Variants in DYNAP observed in about 807,000 individuals in gnomAD.
DYNAP encodes the protein dynactin associated protein.
A neutral mutation model predicts 8.5 loss-of-function variants in DYNAP; 7 were observed. The ratio of observed to expected loss-of-function variants is 0.82; its 90% CI spans 0.47 to 1.54. The LOEUF (loss-of-function observed/expected upper bound fraction) is 1.54. Among genes scored for constraint, DYNAP ranks in the 40% most tolerant of loss-of-function variants. The pLI is 0.01. For synonymous variants in DYNAP, 77 were observed against 77.9 expected, an observed-to-expected ratio of 0.99 and a Z score of 0.06; for missense variants, 256 against 224.3, an observed-to-expected ratio of 1.14 and a Z score of -0.90.
At chr18:54,575,700 A>G in the DYNAP span, among the ~76,000 whole-genome samples, 1 of 152,094 alleles carries the variant, frequency 6.6e-6, no homozygotes, top group East Asian at 1.9e-4. Context: ...CAGACTTCCA[A>G]AGCACTGGGA....
chr18:54,580,442 AC>A, the DYNAP span, among the ~76,000 whole-genome samples: 1 of 152,186 alleles, frequency 6.6e-6, no homozygotes, highest in East Asian at 1.9e-4. Context: ...TACCACTTCA[AC>A]TGAGCCTTCA....
Position 54,597,920 on chromosome 18 carries a change from G to A in DYNAP, c.330G>A (p.Val110=). 5 of 1,613,524 alleles carry A rather than the reference G, an allele frequency of 3.1e-6. No individual in the cohort carries two copies. The highest frequency in any genetic ancestry group is 2.2e-5 in the South Asian group (2 of 91,046). The change falls in exon 3 of 3, where the codon GTG becomes GTA. Residue 110 remains valine (V), a synonymous_variant. Coordinates refer to ENST00000648945, the MANE Select transcript of DYNAP (RefSeq NM_173629.3). ...TAIGVLIICL[V]NNKGSANSSI... is the part of the protein sequence containing the mutation. Reference sequence around the variant, plus strand: ...TTGGAGTACTTATAATATGCTTGGTGAATAACAAAGGATCGGCCAATTCCT... The same window carrying A: ...TTGGAGTACTTATAATATGCTTGGTAAATAACAAAGGATCGGCCAATTCCT...
At chr18:54,587,408 CA>C (rs1361115306), upstream of DYNAP, among the ~76,000 whole-genome samples, 1 of 152,130 alleles carries the variant, frequency 6.6e-6, no homozygotes, top group African/African-American at 2.4e-5. Flanking sequence ...AAAGTTTCTA[CA>C]AACCCATCAT....
the DYNAP span, among the ~76,000 whole-genome samples, chr18:54,582,057 C>T: frequency 1.3e-5 from 2 of 152,230 alleles, no homozygotes; most frequent in South Asian, 2.1e-4. Flanking sequence ...TAAGCCGAGG[C>T]GGGAGGATCA....
At chr18:54,589,690 G>A (rs777716195), upstream of DYNAP, among the ~76,000 whole-genome samples, 5 of 152,090 alleles carry the variant, frequency 3.3e-5, no homozygotes, top group Non-Finnish European at 5.9e-5. Context: ...GTAATGTGTG[G>A]ATGCCATCAA....
chr18:54,583,154 C>T (rs1910774521), upstream of DYNAP, among the ~76,000 whole-genome samples: 1 of 152,060 alleles, frequency 6.6e-6, no homozygotes, highest in Non-Finnish European at 1.5e-5. Context: ...TTATCAGATG[C>T]TGAATATAGC....
chr18:54,595,625 T>G (rs370408654), intron 2 of DYNAP, among the ~76,000 whole-genome samples: 1 of 152,108 alleles, frequency 6.6e-6, no homozygotes, highest in African/African-American at 2.4e-5. Context: ...ACCTTACTGT[T>G]CTCTGGAGCA....
chr18:54,588,566 A>G (rs1599446379), upstream of DYNAP, among the ~76,000 whole-genome samples: 1 of 152,220 alleles, frequency 6.6e-6, no homozygotes, highest in Non-Finnish European at 1.5e-5. Context: ...TTTAAAATTT[A>G]TAAGTAAACT....
chr18:54,589,428 G>A (rs1389772246), upstream of DYNAP, among the ~76,000 whole-genome samples: 1 of 152,090 alleles, frequency 6.6e-6, no homozygotes, highest in Non-Finnish European at 1.5e-5. Flanking sequence ...TTAGATTGAG[G>A]CATTCAAAGA....
At chr18:54,595,865 G>A (rs1342959676) in intron 2 of DYNAP, among the ~76,000 whole-genome samples, 1 of 152,100 alleles carries the variant, frequency 6.6e-6, no homozygotes, top group Non-Finnish European at 1.5e-5. Flanking sequence ...TCAGTAGAGA[G>A]CCTCTGAGGC....
chr18:54,579,874 A>G, the DYNAP span, among the ~76,000 whole-genome samples: 1 of 152,216 alleles, frequency 6.6e-6, no homozygotes, highest in African/African-American at 2.4e-5. Context: ...TTCTTGGGTT[A>G]GTAGTAAATT....
upstream of DYNAP, among the ~76,000 whole-genome samples, chr18:54,587,302 T>A (rs1910913248): frequency 6.6e-6 from 1 of 152,138 alleles, no homozygotes; most frequent in Non-Finnish European, 1.5e-5. Flanking sequence ...CTGGAGTTCC[T>A]GCTACTTGGG....
chr18:54,586,519 C>A (rs1293444627), upstream of DYNAP, among the ~76,000 whole-genome samples: 1 of 152,154 alleles, frequency 6.6e-6, no homozygotes, highest in Non-Finnish European at 1.5e-5. Flanking sequence ...AATATCCATA[C>A]CTCCCTGATG....
chr18:54,589,029 C>A (rs1910974174), upstream of DYNAP, among the ~76,000 whole-genome samples: 1 of 152,062 alleles, frequency 6.6e-6, no homozygotes, highest in Admixed American at 6.6e-5. Flanking sequence ...GATCACATGG[C>A]CGAAGCTGTC....
chr18:54,584,317 G>T (rs1232731471), upstream of DYNAP, among the ~76,000 whole-genome samples: 1 of 148,056 alleles, frequency 6.8e-6, no homozygotes, highest in Non-Finnish European at 1.5e-5. Flanking sequence ...TAATAAATAT[G>T]CCTAAGAATG....
At chr18:54,586,619 TCC>T (rs1345129785), upstream of DYNAP, among the ~76,000 whole-genome samples, 1 of 151,974 alleles carries the variant, frequency 6.6e-6, no homozygotes, top group South Asian at 2.1e-4. Flanking sequence ...CTTTCCCTTT[TCC>T]CCCCATCCTT....
intron 2 of DYNAP, among the ~76,000 whole-genome samples, chr18:54,597,045 T>C (rs1289016624): frequency 2.6e-5 from 4 of 152,248 alleles, no homozygotes; most frequent in African/African-American, 9.6e-5. Context: ...TCCTGGAAGA[T>C]CTTGCTTTCA....
intron 1 of DYNAP, among the ~76,000 whole-genome samples, chr18:54,594,550 A>G (rs1911206976): frequency 2.0e-5 from 3 of 152,148 alleles, no homozygotes; most frequent in Middle Eastern, 6.8e-3. Context: ...AACTCTTTTC[A>G]CTTCAATATT....
the DYNAP span, among the ~76,000 whole-genome samples, chr18:54,582,492 G>A: frequency 2.0e-5 from 3 of 152,170 alleles, no homozygotes; most frequent in Non-Finnish European, 4.4e-5. Flanking sequence ...CTTAGTCAGT[G>A]GTCAATATGT....
Sources: gnomAD v4.1 joint callset for allele counts (sites outside exome capture counted in the v4.1 genomes callset) on GRCh38, gnomAD v4.1.1 for gene constraint, MANE v1.5 for transcripts, NCBI Gene and HGNC (gene_info 2026-07-23, HGNC 2026-07-21) for gene names.